The following ZNF354A variants were observed in gnomAD, a reference collection of about 807,000 sequenced individuals.
The protein encoded by ZNF354A is epididymis luminal protein 104.
Under a neutral mutation model 53.3 loss-of-function variants are expected in ZNF354A, and 25 were observed. The observed-to-expected ratio is 0.47, with a 90% CI of 0.34 to 0.66. ZNF354A has a LOEUF of 0.66. ZNF354A is among the 30% of genes least tolerant of loss of function. The pLI is 0.01. For synonymous variants in ZNF354A, 228 were observed against 249.0 expected (o/e 0.92, Z 0.79); for missense variants, 586 against 716.8 (o/e 0.82, Z 2.08).
At chr5:178,717,150 T>C (rs1765731755) in intron 4 of ZNF354A, among the ~76,000 whole-genome samples, 1 of 150,044 alleles carries the variant, frequency 6.7e-6, no homozygotes, top group Admixed American at 6.6e-5. Flanking sequence ...GGACAAATCC[T>C]CTAAGGCCCA....
chr5:178,716,336 TG>T (rs1765715684), intron 4 of ZNF354A, among the ~76,000 whole-genome samples: 1 of 152,240 alleles, frequency 6.6e-6, no homozygotes, highest in African/African-American at 2.4e-5. Context: ...GAGTACTATC[TG>T]ATCTGACCTT....
rs554738337 is a variant in ZNF354A, at chr5:178,722,789, G to C, written c.256+2587C>G. Among the ~76,000 whole-genome samples the C allele has an allele frequency of 6.6e-5, 10 of 152,332 alleles. No homozygotes were observed. In the East Asian group the frequency reaches 1.4e-3, roughly 21 times the overall value. The stretch of plus-strand genomic sequence containing the variant: ...GGCAGAGACAGATCATGAAGAAACA[G>C]ATCTATTACACAGCGCTAAGCACGA... On this transcript the variant is annotated intron_variant, in intron 4 of 4. Transcript: ENST00000335815.
intron 4 of ZNF354A, among the ~76,000 whole-genome samples, chr5:178,721,538 A>G (rs192391623): frequency 1.3e-5 from 2 of 152,322 alleles, no homozygotes; most frequent in Admixed American, 6.5e-5. Context: ...CTTAGATAAC[A>G]GTACTAACTG....
intron 4 of ZNF354A, among the ~76,000 whole-genome samples, chr5:178,719,309 G>T (rs1420625950): frequency 1.3e-5 from 2 of 152,194 alleles, no homozygotes; most frequent in African/African-American, 2.4e-5. Context: ...CATTAGAAAT[G>T]AAGACATCAG....
chr5:178,717,886 G>A (rs533772833), intron 4 of ZNF354A, among the ~76,000 whole-genome samples: 13 of 152,280 alleles, frequency 8.5e-5, no homozygotes, highest in African/African-American at 2.9e-4. Context: ...GTGGCAAGAC[G>A]GAGGTTGTTT....
intron 2 of ZNF354A, among the ~76,000 whole-genome samples, chr5:178,728,246 C>T (rs2113888381): frequency 6.6e-6 from 1 of 152,312 alleles, no homozygotes; most frequent in East Asian, 1.9e-4. Flanking sequence ...CTCTGTAAAA[C>T]TGCCTTTTAA....
chr5:178,714,056 G>A (rs1200313764), intron 4 of ZNF354A, among the ~76,000 whole-genome samples: 5 of 150,762 alleles, frequency 3.3e-5, no homozygotes, highest in Non-Finnish European at 5.9e-5. Flanking sequence ...GCCCAGGCTC[G>A]AGTGCAGTGG....
chr5:178,712,639 A>G lies in ZNF354A; in HGVS notation c.1239T>C (p.Asn413=). 1 of 1,613,838 alleles carries G rather than the reference A, an allele frequency of 6.2e-7. No homozygotes were observed. Among genetic ancestry groups the G allele is most frequent in the Non-Finnish European group, 8.5e-7 (1 of 1,179,930 alleles). Residue 413 remains asparagine (N), a synonymous_variant, in exon 5 of 5, where the codon AAT becomes AAC. Transcript: ENST00000335815. ...IHTGEKPYRC[N]ECGKGFTSIS... ...TAGAAGTAAAGCCTTTCCCACATTC[A>G]TTGCATCTATAGGGCTTTTCTCCGG...
rs572012766 is a variant in ZNF354A at position 178,722,692 on chromosome 5, ACTGTTTTAGGTT to A, written c.256+2672_256+2683del. On this transcript the variant is annotated intron_variant, in intron 4 of 4. Transcript: ENST00000335815. Reference sequence around the variant, plus strand: ...AACTGGACGCATACCCTGGCCAGGGACTGTTTTAGGTTCTTGGAAAACAGGAGTGAATGAAAC... The same window carrying A: ...AACTGGACGCATACCCTGGCCAGGGACTTGGAAAACAGGAGTGAATGAAAC... 2.2e-3 allele frequency among the ~76,000 whole-genome samples: 336 copies of A among 152,328 alleles called. 2 individuals carry two copies. The highest frequency in any genetic ancestry group is 7.5e-3 in the African/African-American group (313 of 41,570).
At chr5:178,715,828 T>C (rs1490198964) in intron 4 of ZNF354A, among the ~76,000 whole-genome samples, 1 of 152,046 alleles carries the variant, frequency 6.6e-6, no homozygotes, top group Non-Finnish European at 1.5e-5. Context: ...TTACTATCTC[T>C]ACCATAATCT....
At chr5:178,715,446 A>G (rs1478101990) in intron 4 of ZNF354A, among the ~76,000 whole-genome samples, 2 of 151,784 alleles carry the variant, frequency 1.3e-5, no homozygotes, top group South Asian at 2.1e-4. Context: ...CACATGCCTT[A>G]TATCTTTATA....
chr5:178,719,264 G>T (rs182215404), intron 4 of ZNF354A, among the ~76,000 whole-genome samples: 1 of 152,178 alleles, frequency 6.6e-6, no homozygotes, highest in Admixed American at 6.5e-5. Flanking sequence ...TAATTAAAAG[G>T]AACAGTTGAT....
At chr5:178,721,364 C>G (rs1269404701) in intron 4 of ZNF354A, among the ~76,000 whole-genome samples, 1 of 152,136 alleles carries the variant, frequency 6.6e-6, no homozygotes, top group African/African-American at 2.4e-5. Flanking sequence ...AGTATTTGTG[C>G]ATCTCAACAT....
intron 4 of ZNF354A, among the ~76,000 whole-genome samples, chr5:178,715,009 G>A (rs1765687883): frequency 6.6e-6 from 1 of 152,164 alleles, no homozygotes; most frequent in Non-Finnish European, 1.5e-5. Context: ...TGGGATGGCT[G>A]AAAAGAGTCA....
chr5:178,725,606 G>C (rs1026176781), intron 3 of ZNF354A, 135 bp from the exon 4 acceptor site: 1 of 837,760 alleles, frequency 1.2e-6, no homozygotes, highest in Non-Finnish European at 1.9e-6. Context: ...GTGCCCCTGG[G>C]AGGTAAGGGG....
chr5:178,717,488 G>A (rs1040185863), intron 4 of ZNF354A, among the ~76,000 whole-genome samples: 2 of 151,884 alleles, frequency 1.3e-5, no homozygotes, highest in African/African-American at 4.8e-5. Flanking sequence ...CAACCACCAA[G>A]AAGGGAAAGA....
At chr5:178,729,862 C>G (rs917993413) in intron 1 of ZNF354A, among the ~76,000 whole-genome samples, 1 of 141,458 alleles carries the variant, frequency 7.1e-6, no homozygotes, top group East Asian at 2.1e-4. Flanking sequence ...TATCCCATTT[C>G]TAACACGATG....
intron 4 of ZNF354A, among the ~76,000 whole-genome samples, chr5:178,719,863 C>T (rs577157080): frequency 2.4e-4 from 36 of 151,584 alleles, no homozygotes; most frequent in African/African-American, 6.5e-4. Context: ...AGGAGAATGG[C>T]GTGAACCCGG....
intron 4 of ZNF354A, 131 bp from the exon 5 acceptor site, chr5:178,713,752 G>A (rs1765667380): frequency 3.5e-6 from 4 of 1,153,616 alleles, no homozygotes; most frequent in Non-Finnish European, 4.7e-6. Flanking sequence ...GAAAAAAATT[G>A]CAAAAAGAAA....
Sources: allele counts gnomAD v4.1 joint callset (sites outside exome capture counted in the v4.1 genomes callset), GRCh38; gene constraint gnomAD v4.1.1; transcripts MANE v1.5; gene names NCBI Gene and HGNC (gene_info 2026-07-23, HGNC 2026-07-21).